Variants in CCDC169 observed in about 807,000 individuals in gnomAD.
CCDC169 encodes coiled-coil domain containing 169.
In CCDC169, 30 loss-of-function variants were observed where a neutral mutation model predicts 36.0. The observed-to-expected ratio is 0.83, with a 90% CI of 0.62 to 1.13. CCDC169 has a LOEUF of 1.13. Ranked by LOEUF, CCDC169 falls within the 50% of genes most tolerant of loss-of-function variation. The probability of loss-of-function intolerance (pLI) is 0.00; values close to 1 mark genes in which losing one functional copy is unlikely to be tolerated. For synonymous variants in CCDC169, 85 were observed against 81.5 expected, an observed-to-expected ratio of 1.04 and a Z score of -0.23; for missense variants, 245 against 245.9, an observed-to-expected ratio of 1.00 and a Z score of 0.03.
chr13:36,271,430 C>T (rs567754242), intron 4 of CCDC169, among the ~76,000 whole-genome samples: 1 of 152,088 alleles, frequency 6.6e-6, no homozygotes, highest in African/African-American at 2.4e-5. Flanking sequence ...AAAAAGAAGT[C>T]ATTATACAAA....
intron 4 of CCDC169, among the ~76,000 whole-genome samples, chr13:36,261,610 C>T (rs559401028): frequency 1.3e-4 from 20 of 152,322 alleles, no homozygotes; most frequent in South Asian, 1.0e-3. Context: ...TGGCTGGACA[C>T]TCAACTGGTT....
intron 2 of CCDC169, among the ~76,000 whole-genome samples, chr13:36,284,840 C>A (rs1566088388): frequency 6.6e-6 from 1 of 152,176 alleles, no homozygotes. Context: ...CCACTACCAA[C>A]CTCCTCAGCC....
chr13:36,239,341 A>C (rs1021873776), intron 7 of CCDC169, among the ~76,000 whole-genome samples: 7 of 152,196 alleles, frequency 4.6e-5, no homozygotes, highest in Admixed American at 3.3e-4. Flanking sequence ...GTGAATATAT[A>C]TGTGGGTATA....
At chr13:36,281,664 C>T (rs1416988199) in intron 4 of CCDC169, among the ~76,000 whole-genome samples, 1 of 152,084 alleles carries the variant, frequency 6.6e-6, no homozygotes, top group Non-Finnish European at 1.5e-5. Flanking sequence ...GAGTTCGAGA[C>T]CAGCCTGGGA....
rs150595051 is a variant in CCDC169 at position 36,266,464 on chromosome 13, TC to T, written c.316-12322del. ...AGATGTCCTGTCAGAGTTTTCAGGA[TC>T]CCTGGTCATCCCTATCAGGGCCCTG... On this transcript the variant is annotated intron_variant, in intron 4 of 7. Transcript: ENST00000239859. 8.1e-4 allele frequency among the ~76,000 whole-genome samples: 123 copies of T among 152,254 alleles called. 1 individual carries two copies. Among genetic ancestry groups the T allele is most frequent in the African/African-American group, 2.7e-3 (113 of 41,536 alleles).
At chr13:36,256,717 C>T (rs1047959246) in intron 4 of CCDC169, among the ~76,000 whole-genome samples, 2 of 152,204 alleles carry the variant, frequency 1.3e-5, no homozygotes, top group African/African-American at 2.4e-5. Context: ...CCCCCACCGG[C>T]CTGGGGTGCT....
intron 4 of CCDC169, among the ~76,000 whole-genome samples, chr13:36,264,568 T>C (rs1875029659): frequency 6.6e-6 from 1 of 152,160 alleles, no homozygotes; most frequent in Non-Finnish European, 1.5e-5. Flanking sequence ...GGAATATTAG[T>C]CAAGTGGCAG....
Position 36,292,817 on chromosome 13 carries a change from C to G in CCDC169, c.163+2961G>C, listed in dbSNP as rs959353421. ...GAATGATCCAGTAGAGCAGGGAAAA[C>G]AGACAGTGTAGGGAAGAGAGGGCCA... On this transcript the variant is annotated intron_variant, in intron 2 of 7. Transcript: ENST00000239859. Among the ~76,000 whole-genome samples, 5 of 152,112 alleles carry G rather than the reference C, an allele frequency of 3.3e-5. No individual in the cohort carries two copies. In the East Asian group the frequency reaches 9.6e-4, roughly 29 times the overall value.
chr13:36,232,185 A>G (rs1445073723), intron 7 of CCDC169, among the ~76,000 whole-genome samples: 1 of 152,134 alleles, frequency 6.6e-6, no homozygotes, highest in East Asian at 1.9e-4. Context: ...AGCCTTGAAA[A>G]CCAACAGCGC....
intron 7 of CCDC169, among the ~76,000 whole-genome samples, chr13:36,248,279 T>C (rs547958219): frequency 9.7e-4 from 147 of 152,280 alleles, no homozygotes; most frequent in Non-Finnish European, 1.9e-3. Context: ...ACCAAACCCA[T>C]AATATCTCCA....
At chr13:36,267,337 T>C (rs1875447371) in intron 4 of CCDC169, 1 of 152,168 alleles carries the variant, frequency 6.6e-6, no homozygotes, top group African/African-American at 2.4e-5. Flanking sequence ...TCTCAGCCAA[T>C]AATTTTGTAT....
intron 7 of CCDC169, among the ~76,000 whole-genome samples, chr13:36,238,517 T>C (rs548781167): frequency 6.6e-6 from 1 of 152,322 alleles, no homozygotes; most frequent in African/African-American, 2.4e-5. Flanking sequence ...AAATTTTCTT[T>C]AGTTTATTAA....
chr13:36,255,262 G>A (rs1310235346), intron 4 of CCDC169, among the ~76,000 whole-genome samples: 1 of 152,146 alleles, frequency 6.6e-6, no homozygotes, highest in Admixed American at 6.5e-5. Flanking sequence ...CTCCTCCATG[G>A]ACTGCTGCTG....
chr13:36,259,174 C>G (rs1874300890), intron 4 of CCDC169, among the ~76,000 whole-genome samples: 1 of 152,118 alleles, frequency 6.6e-6, no homozygotes. Context: ...ATAGTGAGGG[C>G]CGAGAGCAGG....
chr13:36,258,268 C>G (rs1053065622), intron 4 of CCDC169, among the ~76,000 whole-genome samples: 1 of 152,136 alleles, frequency 6.6e-6, no homozygotes, highest in South Asian at 2.1e-4. Context: ...CACAGCCTGT[C>G]TGCTGAGTCC....
intron 4 of CCDC169, among the ~76,000 whole-genome samples, chr13:36,263,058 T>G (rs1302044068): frequency 6.6e-6 from 1 of 152,130 alleles, no homozygotes; most frequent in South Asian, 2.1e-4. Context: ...GCCCAGGGTT[T>G]GGCCATGGTA....
intron 4 of CCDC169, among the ~76,000 whole-genome samples, chr13:36,271,585 G>C (rs1203311391): frequency 6.6e-6 from 1 of 152,094 alleles, no homozygotes; most frequent in African/African-American, 2.4e-5. Flanking sequence ...GCATTAAAAG[G>C]AATGAAATAA....
intron 1 of CCDC169, among the ~76,000 whole-genome samples, chr13:36,296,770 C>T (rs1879550850): frequency 6.6e-6 from 1 of 152,180 alleles, no homozygotes. Flanking sequence ...CTTTATAGTG[C>T]ATTTCATTCC....
chr13:36,235,355 C>A (rs1027031261), intron 7 of CCDC169, among the ~76,000 whole-genome samples: 2 of 151,906 alleles, frequency 1.3e-5, no homozygotes, highest in Admixed American at 6.6e-5. Flanking sequence ...TTTCTTCTTT[C>A]TGCTTATTTG....
Sources: allele counts gnomAD v4.1 joint callset (sites outside exome capture counted in the v4.1 genomes callset), GRCh38; gene constraint gnomAD v4.1.1; transcripts MANE v1.5; gene names NCBI Gene and HGNC (gene_info 2026-07-23, HGNC 2026-07-21).